The following MECOM variants were observed in gnomAD, a reference collection of about 807,000 sequenced individuals.
The protein encoded by MECOM is MDS1 and EVI1 complex locus, also known as histone-lysine N-methyltransferase MECOM.
Under a neutral mutation model 116.3 loss-of-function variants are expected in MECOM, and 13 were observed. The ratio of observed to expected loss-of-function variants is 0.11; its 90% CI spans 0.07 to 0.18. MECOM has a LOEUF of 0.18. Ranked by LOEUF, MECOM falls within the 10% of genes least tolerant of loss-of-function variation. The pLI, the probability that MECOM is intolerant of heterozygous loss-of-function variation, is 1.00. For missense variants in MECOM, 1,299 were observed against 1,509.0 expected (o/e 0.86, Z 2.31); for synonymous variants, 528 against 535.2 (o/e 0.99, Z 0.19).
intron 1 of MECOM, among the ~76,000 whole-genome samples, chr3:169,508,466 C>A (rs1755567788): frequency 6.6e-6 from 1 of 151,846 alleles, no homozygotes; most frequent in South Asian, 2.1e-4. Context: ...GAAAATTTGC[C>A]TCAGGATGTT....
chr3:169,620,449 C>G (rs1428056149), intron 1 of MECOM, among the ~76,000 whole-genome samples: 1 of 152,214 alleles, frequency 6.6e-6, no homozygotes, highest in Non-Finnish European at 1.5e-5. Flanking sequence ...TCACTCTGCT[C>G]TTTCATTTTA....
chr3:169,484,636 T>C (rs1751877311), intron 1 of MECOM, among the ~76,000 whole-genome samples: 2 of 152,204 alleles, frequency 1.3e-5, no homozygotes, highest in African/African-American at 4.8e-5. Flanking sequence ...GAGCAGTTGA[T>C]TAAAGTTTTC....
intron 1 of MECOM, among the ~76,000 whole-genome samples, chr3:169,576,193 C>T (rs544408450): frequency 6.6e-6 from 1 of 152,244 alleles, no homozygotes; most frequent in South Asian, 2.1e-4. Flanking sequence ...ACCAGAAGAA[C>T]AATCTCAGAT....
intron 1 of MECOM, among the ~76,000 whole-genome samples, chr3:169,546,642 A>C (rs1462685026): frequency 6.6e-6 from 1 of 152,226 alleles, no homozygotes; most frequent in Non-Finnish European, 1.5e-5. Context: ...GACTGTATCC[A>C]AACAACCCAA....
intron 1 of MECOM, among the ~76,000 whole-genome samples, chr3:169,612,720 A>G (rs566270570): frequency 3.9e-5 from 6 of 152,348 alleles, no homozygotes; most frequent in Non-Finnish European, 8.8e-5. Context: ...TTTGAAACAT[A>G]GAACCCACAA....
rs903689110 is a variant in MECOM, at chr3:169,662,329, A to G, written c.37+1007T>C. Among the ~76,000 whole-genome samples, 8 of 152,200 alleles carry G rather than the reference A, an allele frequency of 5.3e-5. No homozygotes were observed. In the East Asian group the frequency reaches 1.4e-3, roughly 26 times the overall value. The stretch of plus-strand genomic sequence containing the variant: ...CTGCGCTGCGCCCTCTCCGCGGCCC[A>G]ACGCTCTGGCAGCCCGCCCCCTGGG... On this transcript the variant is annotated intron_variant, in intron 1 of 16. Transcript: ENST00000651503.
At chr3:169,425,879 A>C (rs1457175094) in intron 1 of MECOM, among the ~76,000 whole-genome samples, 1 of 152,178 alleles carries the variant, frequency 6.6e-6, no homozygotes, top group Non-Finnish European at 1.5e-5. Flanking sequence ...CAGTGAGTGA[A>C]AAAGTAAAGC....
intron 13 of MECOM, among the ~76,000 whole-genome samples, chr3:169,094,231 T>C (rs929361586): frequency 2.0e-5 from 3 of 152,144 alleles, no homozygotes; most frequent in African/African-American, 7.2e-5. Flanking sequence ...TAAATAAAGA[T>C]TGCTAGTCTG....
intron 1 of MECOM, among the ~76,000 whole-genome samples, chr3:169,417,080 T>A (rs1464093137): frequency 2.6e-5 from 4 of 151,546 alleles, no homozygotes; most frequent in African/African-American, 7.3e-5. Context: ...CCAAAAGCAA[T>A]GGCAACAAAA....
intron 8 of MECOM, among the ~76,000 whole-genome samples, chr3:169,114,991 C>T (rs1050217061): frequency 2.6e-5 from 4 of 151,926 alleles, no homozygotes; most frequent in South Asian, 2.1e-4. Context: ...GTTAGATATC[C>T]CCCCCATTCC....
At chr3:169,513,763 G>A (rs1235362113) in intron 1 of MECOM, among the ~76,000 whole-genome samples, 1 of 152,186 alleles carries the variant, frequency 6.6e-6, no homozygotes, top group African/African-American at 2.4e-5. Context: ...ATAATCATCT[G>A]TTATCTGGGT....
chr3:169,173,822 C>T (rs113007301), intron 2 of MECOM, among the ~76,000 whole-genome samples: 2 of 152,214 alleles, frequency 1.3e-5, no homozygotes, highest in African/African-American at 2.4e-5. Flanking sequence ...CCTACACTGA[C>T]GGGCTGAAGG....
intron 10 of MECOM, among the ~76,000 whole-genome samples, chr3:169,104,786 A>G (rs577119508): frequency 6.6e-6 from 1 of 152,324 alleles, no homozygotes; most frequent in East Asian, 1.9e-4. Flanking sequence ...CTGTTGAGAA[A>G]TGTGTCTTGC....
intron 2 of MECOM, among the ~76,000 whole-genome samples, chr3:169,279,676 T>C (rs1265876235): frequency 2.0e-5 from 3 of 152,236 alleles, no homozygotes; most frequent in African/African-American, 7.2e-5. Flanking sequence ...TCAAATCTAT[T>C]GCTAATTGTT....
At chr3:169,146,942 A>T in intron 2 of MECOM, 4 of 1,024,096 alleles carry the variant, frequency 3.9e-6, no homozygotes, top group Non-Finnish European at 4.7e-6. Flanking sequence ...GTCCGTCTCT[A>T]GGATCTGCTC....
At chr3:169,319,605 G>T (rs182283383) in intron 2 of MECOM, among the ~76,000 whole-genome samples, 179 of 152,230 alleles carry the variant, frequency 1.2e-3, no homozygotes, top group African/African-American at 4.0e-3. Flanking sequence ...TAATGAATTG[G>T]TCATATGGAA....
chr3:169,149,580 C>G (rs771215618), intron 2 of MECOM: 1 of 397,836 alleles, frequency 2.5e-6, no homozygotes. Flanking sequence ...GGCAACACAG[C>G]TCTGCCTTCC....
Position 169,301,131 on chromosome 3 carries a change from G to A in MECOM, c.375+80056C>T, listed in dbSNP as rs80107306. On this transcript the variant is annotated intron_variant, in intron 2 of 16. Transcript: ENST00000651503. ...ATTAAATATCGGCGCGATTCTGTTA[G>A]ATAATAACATATCTCATCATCATTC... 1.6e-3 allele frequency among the ~76,000 whole-genome samples: 243 copies of A among 152,292 alleles called. 5 individuals carry two copies. The East Asian group carries it at 0.044, about 28-fold the overall frequency.
intron 2 of MECOM, among the ~76,000 whole-genome samples, chr3:169,335,502 T>C (rs1448097856): frequency 2.0e-5 from 3 of 152,136 alleles, no homozygotes; most frequent in African/African-American, 7.2e-5. Context: ...GGGGAAGAAC[T>C]TTTACGAAAT....
Sources: allele counts gnomAD v4.1 joint callset (sites outside exome capture counted in the v4.1 genomes callset), GRCh38; gene constraint gnomAD v4.1.1; transcripts MANE v1.5; gene names NCBI Gene and HGNC (gene_info 2026-07-23, HGNC 2026-07-21).